Variants in C2CD3 observed in about 807,000 individuals in gnomAD.
The protein encoded by C2CD3 is C2 domain containing 3 centriole elongation regulator.
A neutral mutation model predicts 234.0 loss-of-function variants in C2CD3; 148 were observed. The ratio of observed to expected loss-of-function variants is 0.63; its 90% CI spans 0.55 to 0.72. The LOEUF (loss-of-function observed/expected upper bound fraction) is 0.72, where lower values mean the gene tolerates loss of function less well. Ranked by LOEUF, C2CD3 falls within the 30% of genes least tolerant of loss-of-function variation. The pLI, the probability that C2CD3 is intolerant of heterozygous loss-of-function variation, is 0.00. For synonymous variants in C2CD3, 1,000 were observed against 1,035.4 expected (o/e 0.97, Z 0.66); for missense variants, 2,577 against 2,811.5 (o/e 0.92, Z 1.89).
chr11:74,106,502 GAAGGA>G lies in C2CD3; in HGVS notation c.1963-14_1963-10del, dbSNP rs1329349333. The G allele has an allele frequency of 1.9e-6, 3 of 1,612,036 alleles. No homozygotes were observed. Among genetic ancestry groups the G allele is most frequent in the Non-Finnish European group, 2.5e-6 (3 of 1,179,080 alleles). On this transcript the variant is annotated splice_polypyrimidine_tract_variant and intron_variant, in intron 12 of 32. Coordinates refer to ENST00000334126, the MANE Select transcript of C2CD3 (RefSeq NM_001286577.2). ...GATCCAATGACTTCTGGCTGAGAAA[GAAGGA>G]AAGAGAACATTTAGATTAATTAAAG... is the stretch of plus-strand genomic sequence containing the variant.
chr11:74,021,237 C>T (rs1952071068), intron 32 of C2CD3, among the ~76,000 whole-genome samples: 1 of 151,764 alleles, frequency 6.6e-6, no homozygotes, highest in South Asian at 2.1e-4. Context: ...GAGGGAGACC[C>T]TGTCTCAAAA....
At chr11:74,109,364 C>T in intron 11 of C2CD3, 1 of 482,142 alleles carries the variant, frequency 2.1e-6, no homozygotes. Flanking sequence ...AGAAGACAGG[C>T]AGTGCTATGT....
At position 74,040,122 on chromosome 11, in the gene C2CD3, G is replaced by A. The variant is rs556512871; in HGVS notation, c.5660+1932C>T. Among the ~76,000 whole-genome samples, 68 of 152,288 alleles carry A rather than the reference G, an allele frequency of 4.5e-4. No homozygotes were observed. In the South Asian group the frequency reaches 0.013, roughly 30 times the overall value. On this transcript the variant is annotated intron_variant, in intron 29 of 32. Coordinates refer to ENST00000334126, the MANE Select transcript of C2CD3 (RefSeq NM_001286577.2). ...CAAGTGAGCTTTACTTCTGAGCTCC[G>A]CCTCCTGTCAGATCAGCAGCAGCAT...
chr11:74,021,115 G>A (rs915434416), intron 32 of C2CD3, among the ~76,000 whole-genome samples: 1 of 152,118 alleles, frequency 6.6e-6, no homozygotes, highest in Non-Finnish European at 1.5e-5. Flanking sequence ...GTTTTGGTCT[G>A]AACAACTCAA....
intron 26 of C2CD3, among the ~76,000 whole-genome samples, chr11:74,051,629 TC>T (rs1336329936): frequency 6.6e-6 from 1 of 152,178 alleles, no homozygotes; most frequent in Non-Finnish European, 1.5e-5. Context: ...GTATTTGTTT[TC>T]CCCTCTGACT....
chr11:74,145,436 G>A (rs545841172), intron 3 of C2CD3, among the ~76,000 whole-genome samples: 92 of 152,174 alleles, frequency 6.0e-4, no homozygotes, highest in African/African-American at 2.2e-3. Context: ...ATTTCTTTAA[G>A]TTCCTTATAG....
At chr11:74,135,163 T>C (rs1407528905) in intron 5 of C2CD3, among the ~76,000 whole-genome samples, 2 of 150,864 alleles carry the variant, frequency 1.3e-5, no homozygotes, top group Non-Finnish European at 3.0e-5. Flanking sequence ...CTAAGATGGC[T>C]ACCCCAAGAT....
chr11:74,074,657 G>A, intron 23 of C2CD3, 57 bp from the exon 24 acceptor site: 1 of 1,381,176 alleles, frequency 7.2e-7, no homozygotes, highest in Non-Finnish European at 9.9e-7. Flanking sequence ...ACCAAGCTTG[G>A]AGGAAATACT....
chr11:74,017,540 T>C (rs1250111181), intron 32 of C2CD3, among the ~76,000 whole-genome samples: 3 of 152,176 alleles, frequency 2.0e-5, no homozygotes, highest in Non-Finnish European at 4.4e-5. Context: ...AAAGAAAATG[T>C]GGGGCTTCCT....
chr11:74,109,922 C>CAA (rs1022296865), intron 11 of C2CD3, among the ~76,000 whole-genome samples: 2 of 148,260 alleles, frequency 1.3e-5, no homozygotes, highest in African/African-American at 5.0e-5. Flanking sequence ...AATACAACAA[C>CAA]AAAAAAAAAT....
At chr11:74,137,550 T>C (rs1014286918) in intron 5 of C2CD3, among the ~76,000 whole-genome samples, 3 of 147,328 alleles carry the variant, frequency 2.0e-5, no homozygotes, top group African/African-American at 5.0e-5. Flanking sequence ...TATATATATA[T>C]ACTTTTTTTT....
rs10717136 is a variant in C2CD3 at position 74,094,199 on chromosome 11, GTTTTTT to G, written c.3161-206_3161-201del. On this transcript the variant is annotated intron_variant, in intron 17 of 32. Coordinates refer to ENST00000334126, the MANE Select transcript of C2CD3 (RefSeq NM_001286577.2). ...CCATACAAGTGCCAACACTTGTTAG[GTTTTTT>G]TTTTTTTTTTTTAATTATAGCCACC... is the stretch of plus-strand genomic sequence containing the variant. 1.6e-3 allele frequency among the ~76,000 whole-genome samples: 215 copies of G among 136,830 alleles called. 2 individuals carry two copies. The highest frequency in any genetic ancestry group is 4.4e-3 in the African/African-American group (167 of 37,592). 89.8% of individuals were successfully genotyped at this position (136,830 alleles called of 152,430 possible). A position where few individuals can be genotyped will look rare whatever the true frequency, so the allele number is the denominator to read the frequency against.
At chr11:74,052,025 T>C (rs1436388909) in intron 26 of C2CD3, among the ~76,000 whole-genome samples, 1 of 152,160 alleles carries the variant, frequency 6.6e-6, no homozygotes, top group Non-Finnish European at 1.5e-5. Flanking sequence ...ACCTTGGTCA[T>C]GACCTTGAGC....
At chr11:74,103,041 C>T (rs905646825) in intron 14 of C2CD3, 90 bp downstream of exon 14, 10 of 1,315,752 alleles carry the variant, frequency 7.6e-6, no homozygotes, top group Non-Finnish European at 1.1e-5. Context: ...CTAGTCTGAA[C>T]ATTCTAGATT....
chr11:74,086,624 T>C (rs1955653088), intron 20 of C2CD3, among the ~76,000 whole-genome samples: 2 of 152,338 alleles, frequency 1.3e-5, no homozygotes, highest in South Asian at 2.1e-4. Flanking sequence ...CCTATGAATT[T>C]TGGCCCAATT....
chr11:74,150,934 G>GT (rs1466005049), intron 3 of C2CD3, among the ~76,000 whole-genome samples: 9 of 147,410 alleles, frequency 6.1e-5, no homozygotes, highest in African/African-American at 2.3e-4. Context: ...TTTTTTTTTT[G>GT]TTTTTTGAGA....
intron 26 of C2CD3, among the ~76,000 whole-genome samples, chr11:74,053,679 C>T (rs1168498259): frequency 6.6e-6 from 1 of 152,218 alleles, no homozygotes; most frequent in Admixed American, 6.5e-5. Flanking sequence ...TTAATATCAT[C>T]ATACAAACGT....
chr11:74,074,792 A>G lies in C2CD3; in HGVS notation c.4604-192T>C, dbSNP rs146803853. ...TTTTACCCTGCCCTAACTATCTTCA[A>G]TAATGAAAAGTAGGCTGAGTGTGGT... On this transcript the variant is annotated intron_variant, in intron 23 of 32. Coordinates refer to ENST00000334126, the MANE Select transcript of C2CD3 (RefSeq NM_001286577.2). Among the ~76,000 whole-genome samples, 11 of 152,358 alleles carry G rather than the reference A, an allele frequency of 7.2e-5. No homozygotes were observed. In the East Asian group the frequency reaches 2.1e-3, roughly 29 times the overall value.
At chr11:74,113,234 C>T (rs1200358547) in intron 11 of C2CD3, 2 of 154,556 alleles carry the variant, frequency 1.3e-5, no homozygotes, top group Non-Finnish European at 2.9e-5. Flanking sequence ...ATGAGACATC[C>T]AGAATGGACA....
Sources: allele counts gnomAD v4.1 joint callset (sites outside exome capture counted in the v4.1 genomes callset), GRCh38; gene constraint gnomAD v4.1.1; transcripts MANE v1.5; gene names NCBI Gene and HGNC (gene_info 2026-07-23, HGNC 2026-07-21).